Variants in ZNF536 observed in about 807,000 individuals in gnomAD.
ZNF536 encodes the protein zinc finger protein 536.
ZNF536 carries 13 observed loss-of-function variants against 84.5 expected under a neutral mutation model. The ratio of observed to expected loss-of-function variants is 0.15; its 90% CI spans 0.10 to 0.24. The LOEUF (loss-of-function observed/expected upper bound fraction) is 0.24, where lower values mean the gene tolerates loss of function less well. Among genes scored for constraint, ZNF536 ranks in the 10% least tolerant of loss-of-function variants. The pLI, the probability that ZNF536 is intolerant of heterozygous loss-of-function variation, is 1.00. For synonymous variants in ZNF536, 811 were observed against 742.5 expected (o/e 1.09, Z -1.50); for missense variants, 1,536 against 1,747.5 (o/e 0.88, Z 2.16).
intron 1 of ZNF536, among the ~76,000 whole-genome samples, chr19:30,635,934 G>A (rs1224169274): frequency 1.3e-5 from 2 of 152,208 alleles, no homozygotes; most frequent in East Asian, 1.9e-4. Flanking sequence ...GGCTCTCCCC[G>A]GGTACTCCAG....
intron 2 of ZNF536, among the ~76,000 whole-genome samples, chr19:30,447,626 G>C (rs1410994968): frequency 6.6e-6 from 1 of 152,168 alleles, no homozygotes; most frequent in Non-Finnish European, 1.5e-5. Flanking sequence ...TCGAGGGAAG[G>C]GTTTTCACCA....
chr19:30,463,318 C>A (rs1303746276), intron 2 of ZNF536, among the ~76,000 whole-genome samples: 1 of 152,168 alleles, frequency 6.6e-6, no homozygotes, highest in African/African-American at 2.4e-5. Flanking sequence ...GTCTTCCCTC[C>A]CTAATGCTGG....
At chr19:30,415,292 T>TTCC (rs1782229640) in intron 1 of ZNF536, among the ~76,000 whole-genome samples, 1 of 141,122 alleles carries the variant, frequency 7.1e-6, no homozygotes, top group Non-Finnish European at 1.5e-5. Context: ...CTCCTTCTTC[T>TTCC]TCTTCTTCTT....
intron 2 of ZNF536, among the ~76,000 whole-genome samples, chr19:30,531,292 C>T (rs2044805137): frequency 6.6e-6 from 1 of 152,146 alleles, no homozygotes; most frequent in African/African-American, 2.4e-5. Context: ...TATAGTGAGG[C>T]AGGGCTCATC....
At chr19:30,485,701 T>TG (rs1447034001) in intron 2 of ZNF536, among the ~76,000 whole-genome samples, 1 of 130,254 alleles carries the variant, frequency 7.7e-6, no homozygotes, top group African/African-American at 3.8e-5. Flanking sequence ...GGCGGTGGGG[T>TG]GGGGGGAAAC....
intron 1 of ZNF536, among the ~76,000 whole-genome samples, chr19:30,280,469 C>T (rs1449740387): frequency 6.6e-6 from 1 of 152,164 alleles, no homozygotes; most frequent in Non-Finnish European, 1.5e-5. Context: ...AGTCTGACAC[C>T]ACCCTTTCCC....
chr19:30,606,114 A>G (rs1482731369), intron 1 of ZNF536, among the ~76,000 whole-genome samples: 2 of 151,354 alleles, frequency 1.3e-5, no homozygotes, highest in Non-Finnish European at 2.9e-5. Flanking sequence ...TGATTGTGCC[A>G]CTGCACTCCA....
chr19:30,606,217 TATAA>T (rs1568596808), intron 1 of ZNF536, among the ~76,000 whole-genome samples: 73 of 56,410 alleles, frequency 1.3e-3, no homozygotes, highest in Non-Finnish European at 1.8e-3. Context: ...TAAAATAAAA[TATAA>T]AATAAAATAA....
At chr19:30,395,526 A>G (rs1197776934) in intron 1 of ZNF536, among the ~76,000 whole-genome samples, 1 of 152,198 alleles carries the variant, frequency 6.6e-6, no homozygotes, top group African/African-American at 2.4e-5. Context: ...CTGCCAAAGA[A>G]GGGCCACCAG....
chr19:30,666,267 T>A (rs577066568), intron 1 of ZNF536, among the ~76,000 whole-genome samples: 3 of 152,306 alleles, frequency 2.0e-5, no homozygotes, highest in Non-Finnish European at 2.9e-5. Flanking sequence ...CTCAGGATGC[T>A]TGAGCTGCTT....
intron 1 of ZNF536, among the ~76,000 whole-genome samples, chr19:30,602,853 T>TGA (rs2047738068): frequency 6.6e-6 from 1 of 152,170 alleles, no homozygotes; most frequent in African/African-American, 2.4e-5. Context: ...TGGGTACTCT[T>TGA]GAGAGACCTT....
At chr19:30,643,933 G>A (rs1340976472) in intron 1 of ZNF536, among the ~76,000 whole-genome samples, 1 of 152,188 alleles carries the variant, frequency 6.6e-6, no homozygotes, top group Non-Finnish European at 1.5e-5. Flanking sequence ...AAAAATTGGG[G>A]GGAAGTGATA....
At chr19:30,658,026 C>A (rs990399710) in intron 1 of ZNF536, among the ~76,000 whole-genome samples, 3 of 151,572 alleles carry the variant, frequency 2.0e-5, no homozygotes, top group Non-Finnish European at 2.9e-5. Context: ...ATTCCCCCCC[C>A]CCTTTTTTTT....
intron 1 of ZNF536, among the ~76,000 whole-genome samples, chr19:30,380,438 G>A (rs952660609): frequency 8.5e-5 from 13 of 152,150 alleles, no homozygotes; most frequent in African/African-American, 3.1e-4. Flanking sequence ...AGCACCCCCG[G>A]AGAACCCACG....
intron 1 of ZNF536, among the ~76,000 whole-genome samples, chr19:30,579,888 G>A (rs983836046): frequency 2.6e-5 from 4 of 152,182 alleles, no homozygotes; most frequent in Admixed American, 1.3e-4. Context: ...TACCACCACT[G>A]AACCCATTCT....
intron 1 of ZNF536, among the ~76,000 whole-genome samples, chr19:30,264,119 C>T (rs2025368781): frequency 6.6e-6 from 1 of 152,194 alleles, no homozygotes; most frequent in South Asian, 2.1e-4. Flanking sequence ...AAAGGCCACC[C>T]ACCATGGTGG....
chr19:30,325,053 TG>T (rs1348287774), intron 2 of ZNF536, among the ~76,000 whole-genome samples: 1 of 152,228 alleles, frequency 6.6e-6, no homozygotes, highest in East Asian at 1.9e-4. Flanking sequence ...CTCCTTGGCC[TG>T]GGGAGCCTTG....
Position 30,402,188 on chromosome 19 carries a change from T to G in ZNF536, c.-3+29632T>G, listed in dbSNP as rs76960163. Among the ~76,000 whole-genome samples the G allele has an allele frequency of 2.7e-3, 408 of 152,282 alleles. 1 individual carries two copies. The highest frequency in any genetic ancestry group is 4.9e-3 in the Non-Finnish European group (335 of 68,020). ...ACTTGCGAGTGTAAAGAACCTTCTT[T>G]AATTAGCTGCACAACAATTAAAGGA... On this transcript the variant is annotated intron_variant, in intron 1 of 4. Transcript: ENST00000355537.
intron 1 of ZNF536, among the ~76,000 whole-genome samples, chr19:30,663,648 C>A (rs1381193109): frequency 1.3e-5 from 2 of 152,074 alleles, no homozygotes; most frequent in Non-Finnish European, 2.9e-5. Context: ...CCTGAAATGT[C>A]AAAGAGTGCA....
Sources: gnomAD v4.1 joint callset for allele counts (sites outside exome capture counted in the v4.1 genomes callset) on GRCh38, gnomAD v4.1.1 for gene constraint, MANE v1.5 for transcripts, NCBI Gene and HGNC (gene_info 2026-07-23, HGNC 2026-07-21) for gene names.